Variants in PLCB1 observed in about 807,000 individuals in gnomAD.
PLCB1 encodes the protein phospholipase C beta 1, also known as 1-phosphatidylinositol 4,5-bisphosphate phosphodiesterase beta-1.
A neutral mutation model predicts 161.8 loss-of-function variants in PLCB1; 46 were observed. The ratio of observed to expected loss-of-function variants is 0.28; its 90% CI spans 0.22 to 0.36. The LOEUF (loss-of-function observed/expected upper bound fraction) is 0.36, where lower values mean the gene tolerates loss of function less well. Ranked by LOEUF, PLCB1 falls within the 10% of genes least tolerant of loss-of-function variation. PLCB1 has a pLI of 1.00. For missense variants in PLCB1, 1,016 were observed against 1,472.5 expected, an observed-to-expected ratio of 0.69 and a Z score of 5.07; for synonymous variants, 517 against 503.7, an observed-to-expected ratio of 1.03 and a Z score of -0.35.
intron 2 of PLCB1, among the ~76,000 whole-genome samples, chr20:8,166,763 C>CT (rs1343648479): frequency 6.6e-6 from 1 of 152,064 alleles, no homozygotes; most frequent in Non-Finnish European, 1.5e-5. Flanking sequence ...GGCCCCTTTC[C>CT]TTTTGTGCTC....
chr20:8,475,650 T>A (rs940168229), intron 3 of PLCB1, among the ~76,000 whole-genome samples: 1 of 152,220 alleles, frequency 6.6e-6, no homozygotes, highest in Non-Finnish European at 1.5e-5. Flanking sequence ...TTTTTTCAGA[T>A]AATTGGTGTA....
At chr20:8,585,315 G>A (rs572429472) in intron 3 of PLCB1, among the ~76,000 whole-genome samples, 21 of 152,084 alleles carry the variant, frequency 1.4e-4, no homozygotes, top group South Asian at 4.1e-4. Flanking sequence ...CATAAGCTGC[G>A]GTCTGATGGC....
chr20:8,203,569 G>A (rs937281487), intron 2 of PLCB1, among the ~76,000 whole-genome samples: 6 of 151,982 alleles, frequency 3.9e-5, no homozygotes, highest in African/African-American at 1.2e-4. Flanking sequence ...GGGGTGGGGT[G>A]GGGGATGATT....
chr20:8,318,049 G>C (rs1322765225), intron 2 of PLCB1, among the ~76,000 whole-genome samples: 1 of 150,126 alleles, frequency 6.7e-6, no homozygotes. Context: ...GGAATACAGA[G>C]ACCAACACTG....
chr20:8,844,430 G>A (rs1986616195), intron 31 of PLCB1, among the ~76,000 whole-genome samples: 6 of 152,186 alleles, frequency 3.9e-5, no homozygotes, highest in Admixed American at 3.3e-4. Flanking sequence ...TTGAACGTGT[G>A]GGACAGGCCA....
chr20:8,753,147 A>T (rs1444233849), intron 23 of PLCB1, among the ~76,000 whole-genome samples: 1 of 152,010 alleles, frequency 6.6e-6, no homozygotes, highest in Non-Finnish European at 1.5e-5. Flanking sequence ...TCACCCCCAA[A>T]TGGGACCATC....
At chr20:8,499,415 A>G (rs1983311254) in intron 3 of PLCB1, among the ~76,000 whole-genome samples, 1 of 152,222 alleles carries the variant, frequency 6.6e-6, no homozygotes, top group South Asian at 2.1e-4. Context: ...GGAGAAAATC[A>G]AATAACTATA....
intron 3 of PLCB1, among the ~76,000 whole-genome samples, chr20:8,474,706 G>C (rs1177998315): frequency 6.6e-6 from 1 of 152,122 alleles, no homozygotes; most frequent in Non-Finnish European, 1.5e-5. Context: ...ATTTAGGCTG[G>C]GGACTAAGAT....
chr20:8,393,288 T>A (rs1987664488), intron 3 of PLCB1, among the ~76,000 whole-genome samples: 1 of 152,168 alleles, frequency 6.6e-6, no homozygotes, highest in African/African-American at 2.4e-5. Context: ...ACAGTTATTG[T>A]ATTTTTTTTT....
At chr20:8,445,890 T>G (rs1980800418) in intron 3 of PLCB1, among the ~76,000 whole-genome samples, 1 of 152,172 alleles carries the variant, frequency 6.6e-6, no homozygotes, top group Non-Finnish European at 1.5e-5. Flanking sequence ...TTTTTGCACG[T>G]TGATTTTGTA....
At chr20:8,138,093 G>A (rs922026331) in intron 1 of PLCB1, among the ~76,000 whole-genome samples, 11 of 152,120 alleles carry the variant, frequency 7.2e-5, no homozygotes, top group African/African-American at 2.7e-4. Context: ...TATTGGCATG[G>A]CAAAGCTGAC....
chr20:8,561,224 G>T (rs76408798), intron 3 of PLCB1, among the ~76,000 whole-genome samples: 1 of 151,750 alleles, frequency 6.6e-6, no homozygotes, highest in African/African-American at 2.4e-5. Context: ...ATTTTGTGGT[G>T]GTTTGTGGAT....
At chr20:8,708,961 C>T (rs969117234) in intron 12 of PLCB1, among the ~76,000 whole-genome samples, 3 of 152,182 alleles carry the variant, frequency 2.0e-5, no homozygotes, top group Non-Finnish European at 4.4e-5. Flanking sequence ...GATCTATTTT[C>T]ATACCATAGT....
chr20:8,252,407 C>G (rs1266488740), intron 2 of PLCB1, among the ~76,000 whole-genome samples: 1 of 151,594 alleles, frequency 6.6e-6, no homozygotes, highest in Non-Finnish European at 1.5e-5. Flanking sequence ...GTCACTAACA[C>G]CAAGAAAACT....
chr20:8,298,141 T>C (rs1360641060), intron 2 of PLCB1, among the ~76,000 whole-genome samples: 2 of 151,582 alleles, frequency 1.3e-5, no homozygotes, highest in African/African-American at 4.8e-5. Context: ...CCAAAAATAA[T>C]TAAAATATAC....
At chr20:8,322,777 T>C (rs2122165191) in intron 2 of PLCB1, among the ~76,000 whole-genome samples, 1 of 152,288 alleles carries the variant, frequency 6.6e-6, no homozygotes, top group Middle Eastern at 3.4e-3. Context: ...AAGGCATCAA[T>C]TTGGAAAACT....
intron 3 of PLCB1, among the ~76,000 whole-genome samples, chr20:8,424,060 C>T (rs1054406155): frequency 2.0e-5 from 3 of 152,154 alleles, no homozygotes; most frequent in Non-Finnish European, 4.4e-5. Context: ...AAATTAGGCT[C>T]ACTCCTTCCA....
At chr20:8,856,902 A>G (rs1305919400) in intron 31 of PLCB1, among the ~76,000 whole-genome samples, 1 of 152,226 alleles carries the variant, frequency 6.6e-6, no homozygotes, top group African/African-American at 2.4e-5. Context: ...TAAAACAATA[A>G]GCATTTATTA....
intron 3 of PLCB1, among the ~76,000 whole-genome samples, chr20:8,626,557 G>A (rs1163931457): frequency 1.3e-5 from 2 of 152,188 alleles, no homozygotes; most frequent in Admixed American, 6.5e-5. Flanking sequence ...GCCGGAGAAT[G>A]AGTTGTGTGG....
Sources: gnomAD v4.1 joint callset for allele counts (sites outside exome capture counted in the v4.1 genomes callset) on GRCh38, gnomAD v4.1.1 for gene constraint, MANE v1.5 for transcripts, NCBI Gene and HGNC (gene_info 2026-07-23, HGNC 2026-07-21) for gene names.